The following VAMP7 variants were observed in gnomAD, a reference collection of about 807,000 sequenced individuals.
VAMP7 encodes the protein vesicle associated membrane protein 7.
In VAMP7, 14 loss-of-function variants were observed where a neutral mutation model predicts 29.6. The ratio of observed to expected loss-of-function variants is 0.47; its 90% CI spans 0.31 to 0.74. The LOEUF is 0.74. VAMP7 is among the 30% of genes least tolerant of loss of function. The pLI, the probability that VAMP7 is intolerant of heterozygous loss-of-function variation, is 0.05. For missense variants in VAMP7, 223 were observed against 262.4 expected (o/e 0.85, Z 1.04); for synonymous variants, 95 against 88.1 (o/e 1.08, Z -0.44).
At chrX:155,924,665 A>G (rs918139515) in intron 6 of VAMP7, among the ~76,000 whole-genome samples, 1 of 152,100 alleles carries the variant, frequency 6.6e-6, no homozygotes, top group African/African-American at 2.4e-5. Context: ...GGAGGGTCTC[A>G]CCTTGATGTT....
At chrX:155,916,606 C>G (rs1248384759) in intron 5 of VAMP7, among the ~76,000 whole-genome samples, 2 of 152,106 alleles carry the variant, frequency 1.3e-5, no homozygotes. Context: ...ATTTCTCCTT[C>G]ACTTATAAAG....
chrX:155,930,146 C>T (rs1603006287), intron 6 of VAMP7, among the ~76,000 whole-genome samples: 1 of 152,176 alleles, frequency 6.6e-6, no homozygotes. Flanking sequence ...GAAAGCTTAC[C>T]CAAGCCTTAG....
chrX:155,896,421 C>CA (rs1396505886), intron 3 of VAMP7, among the ~76,000 whole-genome samples: 1 of 152,112 alleles, frequency 6.6e-6, no homozygotes, highest in African/African-American at 2.4e-5. Context: ...AACAAAATTA[C>CA]AATACATTAT....
At position 155,895,332 on chromosome X, in the gene VAMP7, G is replaced by C. The variant is rs1234897686; in HGVS notation, c.147-291G>C. ...TCCTCCTCCTAAGATGTCATCTCTT[G>C]TTCATGCTTTAAGAGTCCAATTATG... On this transcript the variant is annotated intron_variant, in intron 2 of 7. Transcript: ENST00000286448. 2.0e-5 allele frequency among the ~76,000 whole-genome samples: 3 copies of C among 152,302 alleles called. No individual in the cohort carries two copies. The East Asian group carries it at 5.8e-4, about 29-fold the overall frequency.
chrX:155,904,126 G>C (rs1030622086), intron 5 of VAMP7, among the ~76,000 whole-genome samples: 2 of 146,838 alleles, frequency 1.4e-5, no homozygotes, highest in African/African-American at 5.0e-5. Flanking sequence ...AACACCGCAT[G>C]TTCTCACTCA....
intron 6 of VAMP7, among the ~76,000 whole-genome samples, chrX:155,937,062 C>T (rs974493289): frequency 6.6e-6 from 1 of 152,060 alleles, no homozygotes; most frequent in African/African-American, 2.4e-5. Flanking sequence ...AGATTCAACA[C>T]AATCCCTATT....
intron 2 of VAMP7, among the ~76,000 whole-genome samples, chrX:155,891,572 T>C (rs749809186): frequency 6.6e-6 from 1 of 152,206 alleles, no homozygotes; most frequent in South Asian, 2.1e-4. Flanking sequence ...CAAACTCCCA[T>C]TTGGAAAAGG....
chrX:155,939,549 C>T, intron 6 of VAMP7, 152 bp from the exon 7 acceptor site: 1 of 677,642 alleles, frequency 1.5e-6, no homozygotes, highest in Non-Finnish European at 2.7e-6. Flanking sequence ...TTGCTTTTGG[C>T]AACTATTGAG....
At chrX:155,887,937 C>CAAAAA (rs771113450) in intron 1 of VAMP7, among the ~76,000 whole-genome samples, 1 of 98,656 alleles carries the variant, frequency 1.0e-5, no homozygotes, top group African/African-American at 4.4e-5. Context: ...GACCCTGTCT[C>CAAAAA]AAAAAAAAAA....
intron 6 of VAMP7, 48 bp from the exon 7 acceptor site, chrX:155,939,653 T>C (rs1261329407): frequency 1.5e-6 from 2 of 1,329,678 alleles, no homozygotes; most frequent in South Asian, 2.4e-5. Context: ...CTGCAAATCA[T>C]TCATGTAGTC....
At chrX:155,883,252 A>G (rs2065825367) in intron 1 of VAMP7, among the ~76,000 whole-genome samples, 1 of 152,308 alleles carries the variant, frequency 6.6e-6, no homozygotes, top group African/African-American at 2.4e-5. Flanking sequence ...CATCAGCCGT[A>G]TTCCTCAACC....
chrX:155,937,178 A>G (rs1026170027), intron 6 of VAMP7, among the ~76,000 whole-genome samples: 28 of 152,320 alleles, frequency 1.8e-4, no homozygotes, highest in Non-Finnish European at 3.7e-4. Flanking sequence ...AGATAGATAA[A>G]TACTGTATGA....
At chrX:155,937,604 G>T (rs1455840963) in intron 6 of VAMP7, among the ~76,000 whole-genome samples, 2 of 152,134 alleles carry the variant, frequency 1.3e-5, no homozygotes, top group African/African-American at 4.8e-5. Flanking sequence ...ACAAAAGCTT[G>T]GAGGTCTGAA....
At position 155,942,537 on chromosome X, in the gene VAMP7, A is replaced by T. The variant is rs1419163711; in HGVS notation, c.*586A>T. 4.7e-6 allele frequency: 1 copy of T among 214,030 alleles called. No individual in the cohort carries two copies. The highest frequency in any genetic ancestry group is 2.3e-5 in the African/African-American group (1 of 43,336). 13.3% of individuals were successfully genotyped at this position (214,030 alleles called of 1,614,324 possible). On this transcript the variant is annotated 3_prime_UTR_variant, in exon 8 of 8. Transcript: ENST00000286448. ...AACATTTTGCTAGCCCATTAGAAGC[A>T]CACAGAATTATCCTTGTCCTCCTAA...
At chrX:155,933,381 G>T (rs747246381) in intron 6 of VAMP7, among the ~76,000 whole-genome samples, 3 of 152,138 alleles carry the variant, frequency 2.0e-5, no homozygotes, top group Non-Finnish European at 2.9e-5. Context: ...CAATTTCAGA[G>T]CCTGTTATTG....
intron 1 of VAMP7, among the ~76,000 whole-genome samples, chrX:155,885,477 GGTTT>G (rs2065853933): frequency 6.6e-6 from 1 of 152,148 alleles, no homozygotes; most frequent in African/African-American, 2.4e-5. Context: ...TTAAAATGGG[GGTTT>G]GTTGTGGGTT....
At position 155,911,856 on chromosome X, in the gene VAMP7, T is replaced by G. The variant is rs1404872665; in HGVS notation, c.434-7957T>G. Among the ~76,000 whole-genome samples, 3 of 152,290 alleles carry G rather than the reference T, an allele frequency of 2.0e-5. No homozygotes were observed. In the East Asian group the frequency reaches 5.8e-4, roughly 29 times the overall value. The stretch of plus-strand genomic sequence containing the variant: ...ATATTTATCAGATCTAGGAGTTTTT[T>G]GGTGGAGTCTTTGGGTCTTTTAGAC... On this transcript the variant is annotated intron_variant, in intron 5 of 7. Transcript: ENST00000286448.
chrX:155,910,921 G>A (rs1376930782), intron 5 of VAMP7, among the ~76,000 whole-genome samples: 1 of 151,980 alleles, frequency 6.6e-6, no homozygotes, highest in African/African-American at 2.4e-5. Context: ...CCTTTGCTGT[G>A]CAAAAGCTTT....
chrX:155,922,329 T>C (rs751472645), intron 6 of VAMP7, among the ~76,000 whole-genome samples: 2 of 152,104 alleles, frequency 1.3e-5, no homozygotes, highest in Admixed American at 6.5e-5. Context: ...TTCAATACTT[T>C]TTGAAAAAAA....
Sources: allele counts gnomAD v4.1 joint callset (sites outside exome capture counted in the v4.1 genomes callset), GRCh38; gene constraint gnomAD v4.1.1; transcripts MANE v1.5; gene names NCBI Gene and HGNC (gene_info 2026-07-23, HGNC 2026-07-21).